The following TMEM179B variants were observed in gnomAD, a reference collection of about 807,000 sequenced individuals.
The protein encoded by TMEM179B is transmembrane protein 179B.
In TMEM179B, 13 loss-of-function variants were observed where a neutral mutation model predicts 18.0. That is an observed-to-expected ratio of 0.72 (90% confidence interval 0.47 to 1.15). The LOEUF (loss-of-function observed/expected upper bound fraction) is 1.15, where lower values mean the gene tolerates loss of function less well. TMEM179B is among the 50% of genes most tolerant of loss of function. The probability of loss-of-function intolerance (pLI) is 0.00; values close to 1 mark genes in which losing one functional copy is unlikely to be tolerated. For synonymous variants in TMEM179B, 159 were observed against 117.5 expected (o/e 1.35, Z -2.29); for missense variants, 320 against 270.6 (o/e 1.18, Z -1.28).
At chr11:62,789,260 C>T in intron 2 of TMEM179B, 32 bp from the exon 3 acceptor site, 2 of 1,614,010 alleles carry the variant, frequency 1.2e-6, no homozygotes, top group Non-Finnish European at 1.7e-6. Context: ...TGAGCCTCAC[C>T]TCCACCACAA....
Position 62,790,039 on chromosome 11 carries a change from C to A in TMEM179B, c.652C>A (p.His218Asn). The change falls in exon 5 of 5, where the codon CAT becomes AAT. Residue 218 changes from histidine (H) to asparagine (N), a missense_variant. His to Asn is a moderately conservative substitution (Grantham distance 68). Coordinates refer to ENST00000333449, the MANE Select transcript of TMEM179B (RefSeq NM_199337.3). ...TDALVGSRLS[H>N]S ...TGCTCTCGTTGGGTCACGCCTTTCC[C>A]ATTCCTGAAGAATAAGCGGAGTGCT... The A allele has an allele frequency of 6.2e-7, 1 of 1,610,052 alleles. No individual in the cohort carries two copies. Among genetic ancestry groups the A allele is most frequent in the Non-Finnish European group, 8.5e-7 (1 of 1,177,978 alleles).
At position 62,789,613 on chromosome 11, in the gene TMEM179B, C is replaced by A; in HGVS notation, c.432C>A (p.Ala144=). ...SLNTTISCSE[A]QKIPWTPPGT... ...TTTGACCTCACAGCTGTTCTGAAGCCCAGAAAATTCCATGGACACCCCCTG... is the reference window on the plus strand; with the variant it reads ...TTTGACCTCACAGCTGTTCTGAAGCACAGAAAATTCCATGGACACCCCCTG... Residue 144 remains alanine (A), a synonymous_variant, in exon 4 of 5, where the codon GCC becomes GCA. Transcript: ENST00000333449. The A allele has an allele frequency of 1.3e-6, 2 of 1,546,220 alleles. No homozygotes were observed. Among genetic ancestry groups the A allele is most frequent in the South Asian group, 1.3e-5 (1 of 78,448 alleles).
Position 62,790,007 on chromosome 11 carries a change from A to G in TMEM179B, c.620A>G (p.Glu207Gly), listed in dbSNP as rs2084340018. 1 of 1,613,964 alleles carries G rather than the reference A, an allele frequency of 6.2e-7. No individual in the cohort carries two copies. The highest frequency in any genetic ancestry group is 8.5e-7 in the Non-Finnish European group (1 of 1,179,928). The change falls in exon 5 of 5, where the codon GAG (glutamate) becomes GGG (glycine). Residue 207 changes from glutamate to glycine, a missense_variant. By Grantham distance (98) the Glu-to-Gly change is moderately conservative. Transcript: ENST00000333449. ...LERGDPEWSSETDALVGSRLS... is the reference protein window; with the variant it reads ...LERGDPEWSSGTDALVGSRLS... ...AGGGGTGACCCTGAGTGGAGCTCTG[A>G]GACAGATGCTCTCGTTGGGTCACGC...
intron 1 of TMEM179B, 171 bp downstream of exon 1, chr11:62,787,698 G>T: frequency 1.2e-6 from 1 of 827,208 alleles, no homozygotes; most frequent in Non-Finnish European, 1.8e-6. Context: ...CGCGCTTTGT[G>T]GCTCCTCCTG....
Position 62,790,062 on chromosome 11 carries a change from G to A in TMEM179B, c.*15G>A. ...CCCATTCCTGAAGAATAAGCGGAGT[G>A]CTTCCTGCAGCCGAAGACTCCATGC... is the stretch of plus-strand genomic sequence containing the variant. On this transcript the variant is annotated 3_prime_UTR_variant, in exon 5 of 5. Coordinates refer to ENST00000333449, the MANE Select transcript of TMEM179B (RefSeq NM_199337.3). 6.3e-7 allele frequency: 1 copy of A among 1,593,014 alleles called. No homozygotes were observed. Among genetic ancestry groups the A allele is most frequent in the Non-Finnish European group, 8.6e-7 (1 of 1,168,656 alleles).
rs766300248 is a variant in TMEM179B, at chr11:62,787,479, C to G, written c.48C>G (p.Ala16=). ...LQRVELALFA[A]AFLCGAVAAA... is the part of the protein sequence containing the mutation. ...GCGTCGAGCTTGCGCTCTTTGCTGC[C>G]GCCTTCCTGTGCGGGGCCGTGGCGG... is the stretch of plus-strand genomic sequence containing the variant. The change falls in exon 1 of 5, where the codon GCC becomes GCG. Residue 16 remains alanine, a synonymous_variant. Transcript: ENST00000333449. The G allele has an allele frequency of 2.5e-6, 4 of 1,578,774 alleles. No individual in the cohort carries two copies. Among genetic ancestry groups the G allele is most frequent in the Non-Finnish European group, 3.4e-6 (4 of 1,169,866 alleles).
At position 62,789,332 on chromosome 11, in the gene TMEM179B, A is replaced by G. The variant is rs372988842; in HGVS notation, c.325A>G (p.Ile109Val). 34 of 1,613,610 alleles carry G rather than the reference A, an allele frequency of 2.1e-5. No homozygotes were observed. The highest frequency in any genetic ancestry group is 1.6e-4 in the Middle Eastern group (1 of 6,084). Residue 109 changes from isoleucine to valine, a missense_variant, in exon 3 of 5, where the codon ATA becomes GTA. Coordinates refer to ENST00000333449, the MANE Select transcript of TMEM179B (RefSeq NM_199337.3). Reference protein sequence around the residue: ...GLRIALAISAIAVFLVLVSAC... With the variant: ...GLRIALAISAVAVFLVLVSAC... ...GCGCATTGCACTGGCCATCTCAGCT[A>G]TAGCCGTCTTCCTGGTCTTGGTGTC... is the stretch of plus-strand genomic sequence containing the variant.
At chr11:62,788,911 A>C in intron 1 of TMEM179B, 112 bp from the exon 2 acceptor site, 1 of 1,233,038 alleles carries the variant, frequency 8.1e-7, no homozygotes, top group Non-Finnish European at 1.1e-6. Flanking sequence ...ACGGTGCACA[A>C]ATAACTTCCT....
rs1554999375 is a variant in TMEM179B, at chr11:62,789,299, A to G, written c.292A>G (p.Ile98Val). ...TTGTTCTCTCCCTTTCAGAGGTGCT[A>G]TAGGGCTGCGCATTGCACTGGCCAT... ...SCIEDSHRGA[I>V]GLRIALAISA... Residue 98 changes from isoleucine to valine, a missense_variant, in exon 3 of 5, where the codon ATA becomes GTA. Physicochemically the swap from Ile to Val is conservative, Grantham distance 29. Transcript: ENST00000333449. 18 of 1,613,902 alleles carry G rather than the reference A, an allele frequency of 1.1e-5. No homozygotes were observed. Among genetic ancestry groups the G allele is most frequent in the South Asian group, 2.2e-5 (2 of 91,070 alleles).
chr11:62,787,597 C>T (rs914242234), intron 1 of TMEM179B, 70 bp downstream of exon 1: 5 of 1,439,206 alleles, frequency 3.5e-6, no homozygotes, highest in Non-Finnish European at 2.7e-6. Context: ...GCCACTTTCG[C>T]TTTCCGACCG....
rs774240641 is a variant in TMEM179B at position 62,789,095 on chromosome 11, C to T, written c.169C>T (p.Pro57Ser). ...LNGSSLALSR[P>S]SAPSLCYFVA... is the part of the protein sequence containing the mutation. ...TGGCTCCTCCCTGGCCTTATCCCGT[C>T]CCTCAGCACCATCCCTGTGCTACTT... The change falls in exon 2 of 5, where the codon CCC (proline) becomes TCC (serine). Residue 57 changes from proline (P) to serine (S), a missense_variant. Coordinates refer to ENST00000333449, the MANE Select transcript of TMEM179B (RefSeq NM_199337.3). The T allele has an allele frequency of 6.2e-7, 1 of 1,614,104 alleles. No homozygotes were observed. The highest frequency in any genetic ancestry group is 1.3e-5 in the African/African-American group (1 of 74,930).
chr11:62,787,588 C>A, intron 1 of TMEM179B, 61 bp downstream of exon 1: 1 of 1,444,848 alleles, frequency 6.9e-7, no homozygotes. Flanking sequence ...CATGGCGAGG[C>A]CACTTTCGCT....
rs771672442 is a variant in TMEM179B, at chr11:62,789,109, C to T, written c.183C>T (p.Ser61=). The change falls in exon 2 of 5, where the codon TCC becomes TCT. Residue 61 remains serine (S), a synonymous_variant. Coordinates refer to ENST00000333449, the MANE Select transcript of TMEM179B (RefSeq NM_199337.3). The stretch of plus-strand genomic sequence containing the variant: ...CCTTATCCCGTCCCTCAGCACCATC[C>T]CTGTGCTACTTTGTAGCTGGGGCCT... ...SLALSRPSAP[S]LCYFVAGASG... The T allele has an allele frequency of 6.2e-7, 1 of 1,614,228 alleles. No individual in the cohort carries two copies. Among genetic ancestry groups the T allele is most frequent in the Non-Finnish European group, 8.5e-7 (1 of 1,180,040 alleles).
chr11:62,787,487 T>C lies in TMEM179B; in HGVS notation c.56T>C (p.Leu19Pro), dbSNP rs759592608. 2.5e-6 allele frequency: 4 copies of C among 1,579,532 alleles called. No homozygotes were observed. Among genetic ancestry groups the C allele is most frequent in the Non-Finnish European group, 3.4e-6 (4 of 1,170,494 alleles). The change falls in exon 1 of 5, where the codon CTG becomes CCG. Residue 19 changes from leucine (L) to proline (P), a missense_variant. By Grantham distance (98) the Leu-to-Pro change is moderately conservative (BLOSUM62 -3). Coordinates refer to ENST00000333449, the MANE Select transcript of TMEM179B (RefSeq NM_199337.3). ...CTTGCGCTCTTTGCTGCCGCCTTCC[T>C]GTGCGGGGCCGTGGCGGCCGCGGCG... ...VELALFAAAF[L>P]CGAVAAAAMT...
rs1038103115 is a variant in TMEM179B, at chr11:62,789,778, T to C, written c.498+99T>C. On this transcript the variant is annotated intron_variant, in intron 4 of 4. Transcript: ENST00000333449. ...AGCTTGGCCTACCAGTGAGAGGAGCTGAAGGGGTTGTCAGCTTAAAATTCA... is the reference window on the plus strand; with the variant it reads ...AGCTTGGCCTACCAGTGAGAGGAGCCGAAGGGGTTGTCAGCTTAAAATTCA... 4 of 1,524,712 alleles carry C rather than the reference T, an allele frequency of 2.6e-6. 1 individual carries two copies. The South Asian group carries it at 5.1e-5, about 19-fold the overall frequency. 94.4% of individuals were successfully genotyped at this position (1,524,712 alleles called of 1,614,324 possible).
At chr11:62,787,600 T>C (rs923076279) in intron 1 of TMEM179B, 73 bp downstream of exon 1, 2 of 1,438,112 alleles carry the variant, frequency 1.4e-6, no homozygotes, top group African/African-American at 2.9e-5. Context: ...ACTTTCGCTT[T>C]CCGACCGGGC....
rs1336159239 is a variant in TMEM179B at position 62,789,300 on chromosome 11, T to C, written c.293T>C (p.Ile98Thr). 1 of 1,614,092 alleles carries C rather than the reference T, an allele frequency of 6.2e-7. No homozygotes were observed. The highest frequency in any genetic ancestry group is 1.1e-5 in the South Asian group (1 of 91,070). ...SCIEDSHRGA[I>T]GLRIALAISA... Reference sequence around the variant, plus strand: ...TGTTCTCTCCCTTTCAGAGGTGCTATAGGGCTGCGCATTGCACTGGCCATC... The same window carrying C: ...TGTTCTCTCCCTTTCAGAGGTGCTACAGGGCTGCGCATTGCACTGGCCATC... The change falls in exon 3 of 5, where the codon ATA becomes ACA. Residue 98 changes from isoleucine to threonine, a missense_variant. Transcript: ENST00000333449.
rs1216716336 is a variant in TMEM179B at position 62,790,389 on chromosome 11, C to T, written c.*342C>T. The T allele has an allele frequency of 1.2e-5, 7 of 563,474 alleles. No homozygotes were observed. Among genetic ancestry groups the T allele is most frequent in the Non-Finnish European group, 2.2e-5 (7 of 323,812 alleles). The allele number at this position is 563,474 out of a possible 1,614,324, so 34.9% of individuals were successfully genotyped here. A position where few individuals can be genotyped will look rare whatever the true frequency, so the allele number is the denominator to read the frequency against. On this transcript the variant is annotated 3_prime_UTR_variant, in exon 5 of 5. Coordinates refer to ENST00000333449, the MANE Select transcript of TMEM179B (RefSeq NM_199337.3). ...TTATTTGTTGTTAATGAATCTTGAC[C>T]TCCTTGTGTGACCCTGGTTGTTACT...
At position 62,790,190 on chromosome 11, in the gene TMEM179B, C is replaced by T. The variant is rs1399960632; in HGVS notation, c.*143C>T. 1.1e-6 allele frequency: 1 copy of T among 873,136 alleles called. No homozygotes were observed. Among genetic ancestry groups the T allele is most frequent in the South Asian group, 1.9e-5 (1 of 52,316 alleles). The allele number at this position is 873,136 out of a possible 1,614,324, so 54.1% of individuals were successfully genotyped here. On this transcript the variant is annotated 3_prime_UTR_variant, in exon 5 of 5. Coordinates refer to ENST00000333449, the MANE Select transcript of TMEM179B (RefSeq NM_199337.3). The stretch of plus-strand genomic sequence containing the variant: ...GGGAAACATAATGACAGGCCCCCCT[C>T]CACCTCTTCCTGCAGCTGTTTTTGT...
Sources: allele counts gnomAD v4.1 joint callset, GRCh38; gene constraint gnomAD v4.1.1; transcripts MANE v1.5; gene names NCBI Gene and HGNC (gene_info 2026-07-23, HGNC 2026-07-21).